The following EPG5 variants were observed in gnomAD, a reference collection of about 807,000 sequenced individuals.
EPG5 encodes ectopic P-granules 5 autophagy tethering factor, also known as ectopic P granules protein 5 homolog.
Under a neutral mutation model 302.7 loss-of-function variants are expected in EPG5, and 159 were observed. The ratio of observed to expected loss-of-function variants is 0.53; its 90% CI spans 0.46 to 0.60. The LOEUF is 0.60. Among genes scored for constraint, EPG5 ranks in the 20% least tolerant of loss-of-function variants. EPG5 has a pLI of 0.00. For missense variants in EPG5, 2,896 were observed against 3,092.4 expected, an observed-to-expected ratio of 0.94 and a Z score of 1.51; for synonymous variants, 1,158 against 1,136.8, an observed-to-expected ratio of 1.02 and a Z score of -0.37.
the EPG5 span, chr18:45,838,005 G>C: frequency 7.6e-7 from 1 of 1,321,136 alleles, no homozygotes; most frequent in Non-Finnish European, 9.8e-7. Flanking sequence ...GAAGGGCAAC[G>C]AGACCCAGCC....
intron 11 of EPG5, among the ~76,000 whole-genome samples, chr18:45,932,917 C>G (rs553202879): frequency 8.5e-5 from 13 of 152,294 alleles, no homozygotes; most frequent in Non-Finnish European, 1.8e-4. Context: ...GGTCTGGAAT[C>G]ACATCCACTA....
intron 15 of EPG5, 50 bp downstream of exon 15, chr18:45,923,218 T>C: frequency 6.3e-7 from 1 of 1,594,836 alleles, no homozygotes; most frequent in Non-Finnish European, 8.6e-7. Flanking sequence ...TTTCTAAATG[T>C]CTTGGGAAGA....
At chr18:45,814,241 A>G in the EPG5 span, among the ~76,000 whole-genome samples, 1 of 152,214 alleles carries the variant, frequency 6.6e-6, no homozygotes, top group African/African-American at 2.4e-5. Context: ...GGGACAGGTA[A>G]CATACACTAA....
intron 2 of EPG5, chr18:45,953,117 G>A (rs150772049): frequency 9.6e-4 from 195 of 202,760 alleles, no homozygotes; most frequent in African/African-American, 4.4e-3. Context: ...AGGTTGCAGT[G>A]GGCCAAGATT....
In EPG5 at chr18:45,948,594, A is replaced by G. The variant is rs1480179014; in HGVS notation, c.1498-18T>C. 1 of 1,600,104 alleles carries G rather than the reference A, an allele frequency of 6.2e-7. No homozygotes were observed. The highest frequency in any genetic ancestry group is 1.1e-5 in the South Asian group (1 of 90,732). The stretch of plus-strand genomic sequence containing the variant: ...ACTTTGATCTGAAATCAGAAAAGCA[A>G]AAAGCATACTGTAGAAAACAAATAA... On this transcript the variant is annotated intron_variant, in intron 5 of 43. Coordinates refer to ENST00000282041, the MANE Select transcript of EPG5 (RefSeq NM_020964.3).
In EPG5 at chr18:45,888,552, G is replaced by A. The variant is rs542966254; in HGVS notation, c.4953-645C>T. ...ACTCCTGACCTCAGGTGATCTGCCCGCCTCGGCCTCCCAAAGTGCTGGGAT... is the reference window on the plus strand; with the variant it reads ...ACTCCTGACCTCAGGTGATCTGCCCACCTCGGCCTCCCAAAGTGCTGGGAT... On this transcript the variant is annotated intron_variant, in intron 28 of 43. Coordinates refer to ENST00000282041, the MANE Select transcript of EPG5 (RefSeq NM_020964.3). 5.3e-5 allele frequency among the ~76,000 whole-genome samples: 8 copies of A among 152,012 alleles called. No individual in the cohort carries two copies. In the East Asian group the frequency reaches 5.8e-4, roughly 11 times the overall value.
intron 20 of EPG5, 118 bp from the exon 21 acceptor site, chr18:45,913,946 G>A: frequency 7.5e-7 from 1 of 1,331,192 alleles, no homozygotes; most frequent in Non-Finnish European, 1.0e-6. Context: ...GCAAATATTT[G>A]CAGTTTCTAA....
Position 45,954,926 on chromosome 18 carries a change from T to A in EPG5, c.476A>T (p.Asn159Ile), listed in dbSNP as rs1333880560. The A allele has an allele frequency of 7.4e-6, 12 of 1,613,486 alleles. No individual in the cohort carries two copies. The highest frequency in any genetic ancestry group is 1.0e-5 in the Non-Finnish European group (12 of 1,179,798). ...CATTGCTGGCTGAGTATAAGAAAAA[T>A]TAGATTGGGGTGCACTTTCTGAAAG... Reference protein sequence around the residue: ...GGLSESAPQSNFSYTQPAMEN... With the variant: ...GGLSESAPQSIFSYTQPAMEN... Residue 159 changes from asparagine (N) to isoleucine (I), a missense_variant, in exon 2 of 44, where the codon AAT (asparagine) becomes ATT (isoleucine). Physicochemically the swap from Asn to Ile is moderately radical, Grantham distance 149 (BLOSUM62 -3). Transcript: ENST00000282041.
rs755530811 is a variant in EPG5, at chr18:45,852,458, C to CA, written c.*8dup. 1 of 1,600,892 alleles carries CA rather than the reference C, an allele frequency of 6.2e-7. No homozygotes were observed. The highest frequency in any genetic ancestry group is 1.1e-5 in the South Asian group (1 of 88,470). Reference sequence around the variant, plus strand: ...ACAGCAATGGGTTTTTCAAGAGCCTCAGTGTTAACTATCGTATGTGGTCCA... The same window carrying CA: ...ACAGCAATGGGTTTTTCAAGAGCCTCAAGTGTTAACTATCGTATGTGGTCCA... On this transcript the variant is annotated 3_prime_UTR_variant, in exon 44 of 44. Transcript: ENST00000282041.
At chr18:45,831,210 A>G in the EPG5 span, among the ~76,000 whole-genome samples, 1 of 152,188 alleles carries the variant, frequency 6.6e-6, no homozygotes, top group Non-Finnish European at 1.5e-5. Context: ...TCCACCTGCT[A>G]CACTCGCCTG....
downstream of EPG5, among the ~76,000 whole-genome samples, chr18:45,845,244 T>C (rs1391205822): frequency 6.6e-6 from 1 of 152,206 alleles, no homozygotes; most frequent in Non-Finnish European, 1.5e-5. Flanking sequence ...TTCTTGGGAC[T>C]GGAAGAAGCG....
rs538828378 is a variant in EPG5 at position 45,961,741 on chromosome 18, C to G, written c.63+5436G>C. Among the ~76,000 whole-genome samples, 4 of 151,994 alleles carry G rather than the reference C, an allele frequency of 2.6e-5. No homozygotes were observed. In the South Asian group the frequency reaches 6.2e-4, roughly 24 times the overall value. On this transcript the variant is annotated intron_variant, in intron 1 of 43. Coordinates refer to ENST00000282041, the MANE Select transcript of EPG5 (RefSeq NM_020964.3). ...GGTGTGGTGGTGGGTGCCTGTAATC[C>G]CAGCTACTCAGGAGGCTAAGGCAGG...
At chr18:45,933,032 A>G (rs575822980) in intron 11 of EPG5, among the ~76,000 whole-genome samples, 1 of 152,332 alleles carries the variant, frequency 6.6e-6, no homozygotes, top group East Asian at 1.9e-4. Flanking sequence ...AAGGAGACCT[A>G]CCCAGGACTC....
intron 18 of EPG5, 75 bp downstream of exon 18, chr18:45,916,363 C>A: frequency 1.3e-6 from 2 of 1,567,938 alleles, no homozygotes; most frequent in South Asian, 1.2e-5. Context: ...TGACTAAAAC[C>A]TAAGTGTGCT....
chr18:45,856,926 T>G (rs2048526730), intron 42 of EPG5, among the ~76,000 whole-genome samples: 1 of 152,144 alleles, frequency 6.6e-6, no homozygotes, highest in Non-Finnish European at 1.5e-5. Context: ...ATTCATTTTT[T>G]CTGTTTTTTT....
At chr18:45,837,098 T>G in the EPG5 span, 2 of 1,612,742 alleles carry the variant, frequency 1.2e-6, no homozygotes, top group South Asian at 2.2e-5. Context: ...AGTAAGTGCT[T>G]TTATTATTAT....
chr18:45,904,737 TAA>T (rs5824611), intron 24 of EPG5, among the ~76,000 whole-genome samples: 10 of 149,566 alleles, frequency 6.7e-5, no homozygotes, highest in African/African-American at 2.5e-4. Context: ...TGAAAATAAA[TAA>T]AAAAAAAACT....
At position 45,912,249 on chromosome 18, in the gene EPG5, A is replaced by G. The variant is rs1188634028; in HGVS notation, c.3983+41T>C. On this transcript the variant is annotated intron_variant, in intron 22 of 43. Coordinates refer to ENST00000282041, the MANE Select transcript of EPG5 (RefSeq NM_020964.3). Reference sequence around the variant, plus strand: ...CATAGAATGAGAGCAGTGCAAAGGCAGAAATGGACTCACAGAAACCTACAA... The same window carrying G: ...CATAGAATGAGAGCAGTGCAAAGGCGGAAATGGACTCACAGAAACCTACAA... 3 of 1,508,746 alleles carry G rather than the reference A, an allele frequency of 2.0e-6. No individual in the cohort carries two copies. The South Asian group carries it at 4.1e-5, about 21-fold the overall frequency. The allele number at this position is 1,508,746 out of a possible 1,614,324, so 93.5% of individuals were successfully genotyped here.
intron 31 of EPG5, among the ~76,000 whole-genome samples, chr18:45,880,750 C>G (rs920469293): frequency 6.6e-6 from 1 of 152,170 alleles, no homozygotes; most frequent in Non-Finnish European, 1.5e-5. Context: ...AACTCTGCTA[C>G]TTAATAACTT....
Sources: gnomAD v4.1 joint callset for allele counts (sites outside exome capture counted in the v4.1 genomes callset) on GRCh38, gnomAD v4.1.1 for gene constraint, MANE v1.5 for transcripts, NCBI Gene and HGNC (gene_info 2026-07-23, HGNC 2026-07-21) for gene names.